Variants in FGF14 observed in about 807,000 individuals in gnomAD.
FGF14 encodes fibroblast growth factor 14.
FGF14 carries 5 observed loss-of-function variants against 25.5 expected under a neutral mutation model. The ratio of observed to expected loss-of-function variants is 0.20; its 90% CI spans 0.10 to 0.41. The LOEUF is 0.41. FGF14 is among the 10% of genes least tolerant of loss of function. The pLI is 1.00. For missense variants in FGF14, 222 were observed against 320.1 expected, an observed-to-expected ratio of 0.69 and a Z score of 2.34; for synonymous variants, 138 against 118.3, an observed-to-expected ratio of 1.17 and a Z score of -1.08.
intron 3 of FGF14, among the ~76,000 whole-genome samples, chr13:101,809,319 C>T (rs921352962): frequency 1.3e-5 from 2 of 151,956 alleles, no homozygotes; most frequent in African/African-American, 2.4e-5. Flanking sequence ...AACCTTATGC[C>T]TTTTTACCAA....
intron 1 of FGF14, among the ~76,000 whole-genome samples, chr13:102,325,446 G>C (rs2056393129): frequency 6.6e-6 from 1 of 151,988 alleles, no homozygotes; most frequent in Admixed American, 6.6e-5. Flanking sequence ...GTCTGATCTT[G>C]GGTCTTACCA....
At chr13:102,000,710 T>C (rs1371284027) in intron 1 of FGF14, among the ~76,000 whole-genome samples, 3 of 152,224 alleles carry the variant, frequency 2.0e-5, no homozygotes, top group Admixed American at 2.0e-4. Flanking sequence ...CATCCCTGAC[T>C]CCCATTATCA....
At chr13:102,191,209 C>G (rs956461949) in intron 1 of FGF14, among the ~76,000 whole-genome samples, 2 of 152,270 alleles carry the variant, frequency 1.3e-5, no homozygotes, top group East Asian at 3.9e-4. Context: ...TATCAGCTAC[C>G]TGAGGCATCT....
At chr13:101,985,865 G>A (rs2038546162) in intron 1 of FGF14, among the ~76,000 whole-genome samples, 1 of 151,930 alleles carries the variant, frequency 6.6e-6, no homozygotes, top group South Asian at 2.1e-4. Flanking sequence ...TTAAAAAAAA[G>A]TTCTCAAAAT....
chr13:102,217,996 G>C (rs375547467), intron 1 of FGF14, among the ~76,000 whole-genome samples: 1 of 152,140 alleles, frequency 6.6e-6, no homozygotes, highest in African/African-American at 2.4e-5. Context: ...ATTTTAAATT[G>C]TTTAGAAAAT....
chr13:102,285,587 G>A (rs566913698), intron 1 of FGF14, among the ~76,000 whole-genome samples: 39 of 152,226 alleles, frequency 2.6e-4, no homozygotes, highest in African/African-American at 9.4e-4. Context: ...CATTTCTAAT[G>A]ATTTTTCTTC....
At chr13:102,034,238 T>C (rs896828816) in intron 1 of FGF14, among the ~76,000 whole-genome samples, 2 of 152,082 alleles carry the variant, frequency 1.3e-5, no homozygotes, top group Admixed American at 6.6e-5. Flanking sequence ...GCTGACTCAA[T>C]GGAGCACGAC....
chr13:101,928,142 G>C (rs1482462831), intron 1 of FGF14, among the ~76,000 whole-genome samples: 1 of 152,194 alleles, frequency 6.6e-6, no homozygotes, highest in Non-Finnish European at 1.5e-5. Flanking sequence ...TCTGCATGTG[G>C]AAGGAAGTGG....
intron 1 of FGF14, among the ~76,000 whole-genome samples, chr13:102,167,299 T>C (rs891855623): frequency 8.5e-5 from 11 of 130,154 alleles, no homozygotes; most frequent in African/African-American, 2.8e-4. Context: ...GATTGCACCA[T>C]TGCACTCCAT....
intron 3 of FGF14, among the ~76,000 whole-genome samples, chr13:101,762,141 G>T (rs1403925053): frequency 6.6e-6 from 1 of 152,166 alleles, no homozygotes; most frequent in Non-Finnish European, 1.5e-5. Context: ...GGAGCATTTT[G>T]TCTGATTTCT....
At chr13:101,798,371 C>G (rs1274335418) in intron 3 of FGF14, among the ~76,000 whole-genome samples, 2 of 152,100 alleles carry the variant, frequency 1.3e-5, no homozygotes, top group Non-Finnish European at 2.9e-5. Context: ...CTGGCTGGGT[C>G]TTTATCTCAG....
chr13:101,927,184 A>G (rs772374892), intron 1 of FGF14, among the ~76,000 whole-genome samples: 14 of 152,186 alleles, frequency 9.2e-5, no homozygotes, highest in Non-Finnish European at 1.9e-4. Flanking sequence ...CCAATGGTTA[A>G]AAGAAGGCTT....
chr13:102,006,727 CTTTTTTTTTTTTT>C (rs774872814), intron 1 of FGF14, among the ~76,000 whole-genome samples: 2 of 61,948 alleles, frequency 3.2e-5, no homozygotes, highest in Non-Finnish European at 5.5e-5. Context: ...AATCTTACTT[CTTTTTTTTTTTTT>C]TTTTTTTTTT....
At chr13:102,310,652 TC>T (rs2055686566) in intron 1 of FGF14, among the ~76,000 whole-genome samples, 1 of 8,668 alleles carries the variant, frequency 1.2e-4, no homozygotes, top group African/African-American at 3.2e-4. Context: ...TCTTCCCGTT[TC>T]TCTCTCTCTC....
chr13:102,185,943 A>G (rs1164532186), intron 1 of FGF14, among the ~76,000 whole-genome samples: 2 of 152,204 alleles, frequency 1.3e-5, no homozygotes, highest in Non-Finnish European at 2.9e-5. Context: ...GGGCCTCTTC[A>G]TGCTATTAAC....
intron 1 of FGF14, among the ~76,000 whole-genome samples, chr13:101,885,197 C>G (rs2045928170): frequency 6.6e-6 from 1 of 152,176 alleles, no homozygotes; most frequent in African/African-American, 2.4e-5. Context: ...AACATTTGCA[C>G]TAGAGCATGG....
intron 1 of FGF14, among the ~76,000 whole-genome samples, chr13:102,226,781 T>C: frequency 6.6e-6 from 1 of 152,162 alleles, no homozygotes; most frequent in East Asian, 1.9e-4. Flanking sequence ...AAGCCAAATC[T>C]TTATTTCTAA....
chr13:102,380,179 C>CCATGGAACTGACATTACATGGAATGT (rs2058148443), intron 1 of FGF14, among the ~76,000 whole-genome samples: 6 of 150,156 alleles, frequency 4.0e-5, no homozygotes, highest in African/African-American at 1.5e-4. Flanking sequence ...AACTGACATT[C>CCATGGAACTGACATTACATGGAATGT]CATGGAACTG....
chr13:102,236,017 T>C (rs2149865), intron 1 of FGF14, among the ~76,000 whole-genome samples: 124,857 of 152,224 alleles, frequency 0.82, 51,824 homozygotes, highest in African/African-American at 0.95. Flanking sequence ...TTGTGGAAGA[T>C]AATAGTTACA....
Sources: gnomAD v4.1 joint callset for allele counts (sites outside exome capture counted in the v4.1 genomes callset) on GRCh38, gnomAD v4.1.1 for gene constraint, MANE v1.5 for transcripts, NCBI Gene and HGNC (gene_info 2026-07-23, HGNC 2026-07-21) for gene names.